The following BACE1 variants were observed in gnomAD, a reference collection of about 807,000 sequenced individuals.
BACE1 encodes beta-secretase 1, also known as APP beta-secretase.
In BACE1, 21 loss-of-function variants were observed where a neutral mutation model predicts 54.0. The ratio of observed to expected loss-of-function variants is 0.39; its 90% CI spans 0.28 to 0.56. BACE1 has a LOEUF of 0.56. BACE1 is among the 20% of genes least tolerant of loss of function. The pLI, the probability that BACE1 is intolerant of heterozygous loss-of-function variation, is 0.63. For synonymous variants in BACE1, 232 were observed against 260.9 expected (o/e 0.89, Z 1.07); for missense variants, 511 against 661.2 (o/e 0.77, Z 2.49).
At chr11:117,312,795 C>A (rs967892147) in intron 1 of BACE1, among the ~76,000 whole-genome samples, 3 of 152,168 alleles carry the variant, frequency 2.0e-5, no homozygotes, top group Admixed American at 6.5e-5. Context: ...GCACAAACTA[C>A]GGGGCCCCAC....
chr11:117,295,044 C>T (rs1591858116), intron 3 of BACE1, 87 bp downstream of exon 3: 1 of 1,329,482 alleles, frequency 7.5e-7, no homozygotes, highest in Non-Finnish European at 1.1e-6. Context: ...TGCCCTCCTT[C>T]TGCTAATTCC....
In BACE1 at chr11:117,299,050, C is replaced by T. The variant is rs635367; in HGVS notation, c.262-2089G>A. On this transcript the variant is annotated intron_variant, in intron 1 of 8. Transcript: ENST00000313005. ...CGAACTCCTGACCTCAGGTGATCCA[C>T]CTGCCTCGGCCTCCCAAAGTGCTGA... is the stretch of plus-strand genomic sequence containing the variant. Among the ~76,000 whole-genome samples the T allele has an allele frequency of 5.9e-3, 897 of 152,314 alleles. 35 individuals carry two copies. The East Asian group carries it at 0.12, about 20-fold the overall frequency.
chr11:117,313,246 T>C (rs1410892430), intron 1 of BACE1, among the ~76,000 whole-genome samples: 1 of 152,168 alleles, frequency 6.6e-6, no homozygotes, highest in African/African-American at 2.4e-5. Flanking sequence ...TTGCTTTAGT[T>C]GTGGGCTCCC....
intron 8 of BACE1, 115 bp from the exon 9 acceptor site, chr11:117,289,922 C>T: frequency 2.2e-6 from 2 of 922,258 alleles, no homozygotes; most frequent in South Asian, 1.6e-5. Flanking sequence ...ATCTAATCTC[C>T]TTCCCAGGAG....
rs1245266442 is a variant in BACE1, at chr11:117,290,510, G to A, written c.1242C>T (p.Gly414=). ...VVFDRARKRI[G]FAVSACHVHD... is the part of the protein sequence containing the mutation. ...CACCATGGCAAGCGCTGACAGCAAAGCCAATTCGTTTTCGGGCCCGATCAA... is the reference window on the plus strand; with the variant it reads ...CACCATGGCAAGCGCTGACAGCAAAACCAATTCGTTTTCGGGCCCGATCAA... The change falls in exon 8 of 9, where the codon GGC becomes GGT. Residue 414 remains glycine (G), a synonymous_variant. Coordinates refer to ENST00000313005, the MANE Select transcript of BACE1 (RefSeq NM_012104.6). 6.2e-7 allele frequency: 1 copy of A among 1,614,180 alleles called. No homozygotes were observed. Among genetic ancestry groups the A allele is most frequent in the Non-Finnish European group, 8.5e-7 (1 of 1,180,024 alleles).
At position 117,289,163 on chromosome 11, in the gene BACE1, G is replaced by C. The variant is rs2034341985; in HGVS notation, c.*403C>G. 2 of 201,046 alleles carry C rather than the reference G, an allele frequency of 9.9e-6. No individual in the cohort carries two copies. The highest frequency in any genetic ancestry group is 1.1e-4 in the South Asian group (1 of 9,368). 12.5% of individuals were successfully genotyped at this position (201,046 alleles called of 1,614,324 possible). A position where few individuals can be genotyped will look rare whatever the true frequency, so the allele number is the denominator to read the frequency against. On this transcript the variant is annotated 3_prime_UTR_variant, in exon 9 of 9. Coordinates refer to ENST00000313005, the MANE Select transcript of BACE1 (RefSeq NM_012104.6). ...AACAAGCTTGGTCTCTTCTCTGCCA[G>C]GGTACCACAGGGACACACGCCAAGG...
intron 1 of BACE1, among the ~76,000 whole-genome samples, chr11:117,308,573 T>C (rs891618629): frequency 6.6e-5 from 10 of 152,348 alleles, no homozygotes; most frequent in African/African-American, 1.7e-4. Context: ...TGGGTCTCAG[T>C]TTCCTTATCC....
intron 1 of BACE1, among the ~76,000 whole-genome samples, chr11:117,297,677 GGC>G (rs2034635861): frequency 6.6e-6 from 1 of 152,100 alleles, no homozygotes; most frequent in South Asian, 2.1e-4. Context: ...GATAAACGGA[GGC>G]CAGGCCAGTA....
intron 7 of BACE1, 32 bp downstream of exon 7, chr11:117,290,868 G>A: frequency 6.2e-7 from 1 of 1,608,276 alleles, no homozygotes; most frequent in Non-Finnish European, 8.5e-7. Context: ...GTACTTTTAA[G>A]AGAGATCCCC....
intron 5 of BACE1, chr11:117,292,813 G>T: frequency 2.3e-6 from 1 of 430,414 alleles, no homozygotes; most frequent in East Asian, 4.6e-5. Context: ...GCAAGGCAGT[G>T]ACTAGAGTCC....
At position 117,315,444 on chromosome 11, in the gene BACE1, C is replaced by A; in HGVS notation, c.261+91G>T. 1.3e-6 allele frequency: 2 copies of A among 1,493,786 alleles called. No homozygotes were observed. The highest frequency in any genetic ancestry group is 5.3e-5 in the Admixed American group (2 of 37,426). 92.5% of individuals were successfully genotyped at this position (1,493,786 alleles called of 1,614,324 possible). A position where few individuals can be genotyped will look rare whatever the true frequency, so the allele number is the denominator to read the frequency against. ...GTCCCTCCTGCTGTCCCCACCAGCC[C>A]ATTTGAGCAGGGGCTAGCTTGAGGC... On this transcript the variant is annotated intron_variant, in intron 1 of 8. Transcript: ENST00000313005. The surrounding 1 kb of genome is among the most constrained non-coding windows in gnomAD (Gnocchi z 5.5).
intron 1 of BACE1, chr11:117,314,825 AG>A: frequency 6.6e-6 from 1 of 152,398 alleles, no homozygotes; most frequent in Non-Finnish European, 1.5e-5. Flanking sequence ...CACTCTTAAA[AG>A]GGAGCTCTGG....
Position 117,302,920 on chromosome 11 carries a change from CTG to C in BACE1, c.262-5961_262-5960del, listed in dbSNP as rs199856157. The stretch of plus-strand genomic sequence containing the variant: ...AAAATCTTCCATAGAACTTGTCACT[CTG>C]TAATTATACACTGAATCTCACCTCC... On this transcript the variant is annotated intron_variant, in intron 1 of 8. Coordinates refer to ENST00000313005, the MANE Select transcript of BACE1 (RefSeq NM_012104.6). Among the ~76,000 whole-genome samples the C allele has an allele frequency of 2.8e-3, 425 of 152,272 alleles. 14 individuals are homozygous for C. The South Asian group carries it at 0.05, about 18-fold the overall frequency.
In BACE1 at chr11:117,286,879, G is replaced by A. The variant is rs527797262; in HGVS notation, c.*2687C>T. ...CCAGGTTAGTAGCTGTCATGAACAG[G>A]AAAGGTGGCAAAATGGAAGACCAGT... On this transcript the variant is annotated 3_prime_UTR_variant, in exon 9 of 9. Coordinates refer to ENST00000313005, the MANE Select transcript of BACE1 (RefSeq NM_012104.6). 175 of 152,748 alleles carry A rather than the reference G, an allele frequency of 1.1e-3. No homozygotes were observed. The highest frequency in any genetic ancestry group is 4.1e-3 in the African/African-American group (169 of 41,548). The allele number at this position is 152,748 out of a possible 1,614,324, so 9.5% of individuals were successfully genotyped here. A position where few individuals can be genotyped will look rare whatever the true frequency, so the allele number is the denominator to read the frequency against.
At chr11:117,304,684 G>C (rs899054209) in intron 1 of BACE1, among the ~76,000 whole-genome samples, 2 of 152,116 alleles carry the variant, frequency 1.3e-5, no homozygotes. Context: ...TTCTTCAAAG[G>C]TCTTGTCCTG....
intron 1 of BACE1, among the ~76,000 whole-genome samples, chr11:117,309,434 T>C (rs2034899978): frequency 6.6e-6 from 1 of 152,212 alleles, no homozygotes; most frequent in Non-Finnish European, 1.5e-5. Flanking sequence ...ACTCTCCATA[T>C]TGCAAAGCTT....
intron 5 of BACE1, 91 bp from the exon 6 acceptor site, chr11:117,291,904 G>T: frequency 1.1e-6 from 1 of 891,426 alleles, no homozygotes; most frequent in Non-Finnish European, 1.8e-6. Flanking sequence ...CCCCAGCTGG[G>T]TTGGCATCTT....
intron 1 of BACE1, among the ~76,000 whole-genome samples, chr11:117,298,700 G>A (rs1268200972): frequency 2.0e-5 from 3 of 152,220 alleles, no homozygotes; most frequent in African/African-American, 4.8e-5. Context: ...GGAGCCAGGA[G>A]CCCCATAAAA....
At chr11:117,302,822 T>C (rs1424161003) in intron 1 of BACE1, among the ~76,000 whole-genome samples, 1 of 152,068 alleles carries the variant, frequency 6.6e-6, no homozygotes, top group Non-Finnish European at 1.5e-5. Flanking sequence ...AAGGCGGAGG[T>C]TGCAGTGAGC....
Sources: gnomAD v4.1 joint callset for allele counts (sites outside exome capture counted in the v4.1 genomes callset) on GRCh38, gnomAD v4.1.1 for gene constraint, Gnocchi (gnomAD v3.1) non-coding constraint, MANE v1.5 for transcripts, NCBI Gene and HGNC (gene_info 2026-07-23, HGNC 2026-07-21) for gene names.